The following UIMC1 variants were observed in gnomAD, a reference collection of about 807,000 sequenced individuals.
UIMC1 encodes ubiquitin interaction motif containing 1.
A neutral mutation model predicts 84.9 loss-of-function variants in UIMC1; 42 were observed. The observed-to-expected ratio is 0.49, with a 90% CI of 0.39 to 0.64. UIMC1 has a LOEUF of 0.64. UIMC1 is among the 30% of genes least tolerant of loss of function. The pLI is 0.00. For synonymous variants in UIMC1, 281 were observed against 293.0 expected, an observed-to-expected ratio of 0.96 and a Z score of 0.42; for missense variants, 825 against 847.6, an observed-to-expected ratio of 0.97 and a Z score of 0.33.
In UIMC1 at chr5:176,995,574, TG is replaced by T. The variant is rs1293429986; in HGVS notation, c.-9+11075del. On this transcript the variant is annotated intron_variant, in intron 1 of 14. Coordinates refer to ENST00000511320, the MANE Select transcript of UIMC1 (RefSeq NM_001199298.2). ...AAAAAAAAAAAAAGGCCAGGCACGGTGGCTCACACCTGTAATCCTAGCACTT... is the reference window on the plus strand; with the variant it reads ...AAAAAAAAAAAAAGGCCAGGCACGGTGCTCACACCTGTAATCCTAGCACTT... Among the ~76,000 whole-genome samples, 28 of 132,418 alleles carry T rather than the reference TG, an allele frequency of 2.1e-4. No individual in the cohort carries two copies. The Admixed American group carries it at 2.1e-3, about 10-fold the overall frequency. 86.9% of individuals were successfully genotyped at this position (132,418 alleles called of 152,430 possible).
At chr5:176,917,346 C>A (rs906885127) in intron 10 of UIMC1, among the ~76,000 whole-genome samples, 1 of 151,860 alleles carries the variant, frequency 6.6e-6, no homozygotes, top group Admixed American at 6.5e-5. Flanking sequence ...CCAAGGCAGG[C>A]GGATCACTTG....
intron 10 of UIMC1, among the ~76,000 whole-genome samples, chr5:176,914,597 G>GT (rs1760728403): frequency 6.6e-6 from 1 of 152,184 alleles, no homozygotes; most frequent in East Asian, 1.9e-4. Flanking sequence ...AGAGATATGC[G>GT]TAATAAAACA....
At chr5:176,915,166 A>G (rs1305183792) in intron 10 of UIMC1, among the ~76,000 whole-genome samples, 1 of 151,742 alleles carries the variant, frequency 6.6e-6, no homozygotes, top group Non-Finnish European at 1.5e-5. Context: ...TTCTGTTCCT[A>G]TTCACTTATA....
intron 1 of UIMC1, among the ~76,000 whole-genome samples, 152 bp from the exon 2 acceptor site, chr5:176,982,775 C>T (rs1309660755): frequency 2.0e-5 from 3 of 152,238 alleles, no homozygotes; most frequent in African/African-American, 7.2e-5. Flanking sequence ...TCTTGGCTCA[C>T]TGCAACCGCT....
chr5:177,005,473 T>C (rs892708472), intron 1 of UIMC1, among the ~76,000 whole-genome samples: 1 of 151,950 alleles, frequency 6.6e-6, no homozygotes, highest in Admixed American at 6.6e-5. Context: ...TGATACTTCA[T>C]TTTCCATTTT....
chr5:176,940,359 G>C (rs554382340), intron 10 of UIMC1, among the ~76,000 whole-genome samples: 40 of 152,238 alleles, frequency 2.6e-4, no homozygotes, highest in African/African-American at 8.9e-4. Context: ...CTCCTTACCT[G>C]ATCATTCTGA....
At chr5:176,918,910 G>A (rs1160274944) in intron 10 of UIMC1, among the ~76,000 whole-genome samples, 1 of 152,102 alleles carries the variant, frequency 6.6e-6, no homozygotes, top group African/African-American at 2.4e-5. Context: ...ACAACGTGCT[G>A]ACTGGCCTCA....
At chr5:176,974,145 A>G (rs1034309923) in intron 3 of UIMC1, among the ~76,000 whole-genome samples, 2 of 152,202 alleles carry the variant, frequency 1.3e-5, no homozygotes, top group East Asian at 3.8e-4. Flanking sequence ...TTTTTAAAAT[A>G]AAGTTGGAAG....
intron 3 of UIMC1, among the ~76,000 whole-genome samples, chr5:176,974,296 A>C (rs972704317): frequency 1.8e-4 from 28 of 152,210 alleles, no homozygotes; most frequent in African/African-American, 6.5e-4. Context: ...ACACAAGGAA[A>C]GGACAGTCTT....
rs551155875 is a variant in UIMC1, at chr5:176,973,505, A to G, written c.232+1891T>C. 3.3e-5 allele frequency among the ~76,000 whole-genome samples: 5 copies of G among 151,350 alleles called. No homozygotes were observed. The South Asian group carries it at 1.0e-3, about 32-fold the overall frequency. On this transcript the variant is annotated intron_variant, in intron 3 of 14. Coordinates refer to ENST00000511320, the MANE Select transcript of UIMC1 (RefSeq NM_001199298.2). ...CTCATGCCTATAATTGCTCAAGTCC[A>G]GGTGGTCGAAGCTGCAGTGAGCCAA...
chr5:176,928,010 C>T (rs1192928442), intron 10 of UIMC1, among the ~76,000 whole-genome samples: 1 of 151,856 alleles, frequency 6.6e-6, no homozygotes, highest in African/African-American at 2.4e-5. Flanking sequence ...CGCCACCATG[C>T]CTGGCTGATT....
intron 6 of UIMC1, among the ~76,000 whole-genome samples, chr5:176,968,107 C>T (rs1768587737): frequency 1.3e-5 from 2 of 152,062 alleles, no homozygotes; most frequent in Admixed American, 1.3e-4. Flanking sequence ...GGTGTGGTGG[C>T]TCACGCCTGT....
chr5:176,951,564 A>ATCCCAGCACTTTGGGAGG lies in UIMC1; in HGVS notation c.1352_1353insCCTCCCAAAGTGCTGGGA (p.Ser451_Ser452insLeuProLysCysTrpAsp). 6.3e-7 allele frequency: 1 copy of ATCCCAGCACTTTGGGAGG among 1,586,850 alleles called. No individual in the cohort carries two copies. Among genetic ancestry groups the ATCCCAGCACTTTGGGAGG allele is most frequent in the African/African-American group, 1.4e-5 (1 of 73,670 alleles). On this transcript the variant is annotated inframe_insertion, in exon 9 of 15. Transcript: ENST00000511320. ...TTTCAAGGTCAAAAGTTTCAGAGGAACTTAGCTGGGTCTCTGTAATTTAAA... is the reference window on the plus strand; with the variant it reads ...TTTCAAGGTCAAAAGTTTCAGAGGAATCCCAGCACTTTGGGAGGCTTAGCTGGGTCTCTGTAATTTAAA...
intron 1 of UIMC1, among the ~76,000 whole-genome samples, chr5:176,983,825 G>A (rs1771432901): frequency 6.6e-6 from 1 of 150,924 alleles, no homozygotes. Flanking sequence ...TGGATGTGAG[G>A]AGCGCCTCTG....
chr5:176,908,787 G>A (rs771296393), intron 11 of UIMC1, 93 bp from the exon 12 acceptor site: 47 of 1,359,496 alleles, frequency 3.5e-5, no homozygotes, highest in Admixed American at 6.5e-5. Context: ...TTTTTACGTC[G>A]CAAAGTTATT....
chr5:176,911,183 A>G, intron 11 of UIMC1, 128 bp downstream of exon 11: 3 of 554,818 alleles, frequency 5.4e-6, no homozygotes, highest in East Asian at 3.2e-5. Flanking sequence ...AAGAAAATTC[A>G]GGCATCCAAG....
At chr5:176,965,915 G>A (rs570172973) in intron 6 of UIMC1, among the ~76,000 whole-genome samples, 2 of 152,254 alleles carry the variant, frequency 1.3e-5, no homozygotes, top group South Asian at 4.1e-4. Context: ...TCACTCTTTG[G>A]AGTTAATGTA....
chr5:176,972,735 C>CAAAAAATT (rs1054835180), intron 3 of UIMC1, among the ~76,000 whole-genome samples: 2 of 151,764 alleles, frequency 1.3e-5, no homozygotes. Context: ...GACTCCATCT[C>CAAAAAATT]AAAAAATTAA....
intron 1 of UIMC1, among the ~76,000 whole-genome samples, chr5:176,986,126 G>A (rs935879752): frequency 1.8e-4 from 28 of 151,380 alleles, no homozygotes; most frequent in African/African-American, 5.1e-4. Flanking sequence ...ATAGAAGGCC[G>A]TCGTGGGCTG....
Sources: allele counts gnomAD v4.1 joint callset (sites outside exome capture counted in the v4.1 genomes callset), GRCh38; gene constraint gnomAD v4.1.1; transcripts MANE v1.5; gene names NCBI Gene and HGNC (gene_info 2026-07-23, HGNC 2026-07-21).